CACNB2: variants seen among roughly 807,000 people sequenced by gnomAD.
The protein encoded by CACNB2 is calcium voltage-gated channel auxiliary subunit beta 2.
In CACNB2, 42 loss-of-function variants were observed where a neutral mutation model predicts 73.3. The ratio of observed to expected loss-of-function variants is 0.57; its 90% CI spans 0.45 to 0.74. CACNB2 has a LOEUF of 0.74. Ranked by LOEUF, CACNB2 falls within the 30% of genes least tolerant of loss-of-function variation. CACNB2 has a pLI of 0.00. For synonymous variants in CACNB2, 348 were observed against 310.3 expected, an observed-to-expected ratio of 1.12 and a Z score of -1.28; for missense variants, 940 against 853.0, an observed-to-expected ratio of 1.10 and a Z score of -1.27.
chr10:18,417,027 G>T (rs143621839), intron 3 of CACNB2, among the ~76,000 whole-genome samples: 2 of 147,746 alleles, frequency 1.4e-5, no homozygotes, highest in East Asian at 3.9e-4. Flanking sequence ...AAAGCAGAAA[G>T]TGCATTAAAA....
intron 2 of CACNB2, among the ~76,000 whole-genome samples, chr10:18,298,035 A>C (rs2039350234): frequency 6.6e-6 from 1 of 152,204 alleles, no homozygotes; most frequent in South Asian, 2.1e-4. Flanking sequence ...GAAGGTAAAA[A>C]GAGATAACTC....
intron 6 of CACNB2, chr10:18,513,732 T>C (rs77208783): frequency 5.0e-6 from 1 of 201,898 alleles, no homozygotes; most frequent in African/African-American, 2.4e-5. Context: ...CGCATTAAAA[T>C]GATATATAAC....
At chr10:18,357,362 A>AC (rs554041543) in intron 2 of CACNB2, among the ~76,000 whole-genome samples, 67 of 152,300 alleles carry the variant, frequency 4.4e-4, no homozygotes, top group African/African-American at 1.4e-3. Context: ...CAAAATACTG[A>AC]CCCAATGAAT....
intron 2 of CACNB2, among the ~76,000 whole-genome samples, chr10:18,336,558 G>A (rs911237393): frequency 6.6e-6 from 1 of 152,062 alleles, no homozygotes; most frequent in Non-Finnish European, 1.5e-5. Context: ...GGCGGAGGCT[G>A]CAATGAGCCA....
intron 2 of CACNB2, among the ~76,000 whole-genome samples, chr10:18,176,867 C>T (rs1460873792): frequency 2.0e-5 from 3 of 151,550 alleles, no homozygotes; most frequent in Non-Finnish European, 4.4e-5. Context: ...TTTCAGGGGA[C>T]ATTGAGAAGG....
At chr10:18,452,762 G>A (rs1314587705) in intron 3 of CACNB2, among the ~76,000 whole-genome samples, 1 of 152,090 alleles carries the variant, frequency 6.6e-6, no homozygotes, top group Admixed American at 6.5e-5. Flanking sequence ...CTATATTTTT[G>A]TTCACCAAAA....
At chr10:18,410,450 A>T (rs2044554385) in intron 3 of CACNB2, among the ~76,000 whole-genome samples, 1 of 152,202 alleles carries the variant, frequency 6.6e-6, no homozygotes, top group African/African-American at 2.4e-5. Flanking sequence ...CTAGCCTTTG[A>T]AGAAGAAAGA....
intron 2 of CACNB2, among the ~76,000 whole-genome samples, chr10:18,361,204 C>A (rs2042123183): frequency 6.6e-6 from 1 of 151,858 alleles, no homozygotes; most frequent in African/African-American, 2.4e-5. Flanking sequence ...ATGTAGCCAT[C>A]CTAAAGTAGA....
intron 3 of CACNB2, among the ~76,000 whole-genome samples, chr10:18,495,173 T>C (rs1324288552): frequency 6.6e-6 from 1 of 151,938 alleles, no homozygotes; most frequent in Admixed American, 6.6e-5. Flanking sequence ...AATAATGTTG[T>C]GAACCTAAGT....
At chr10:18,516,948 A>T (rs989085000) in intron 7 of CACNB2, among the ~76,000 whole-genome samples, 1 of 152,074 alleles carries the variant, frequency 6.6e-6, no homozygotes, top group South Asian at 2.1e-4. Flanking sequence ...CCCTCTGATT[A>T]TATCGTCTGT....
chr10:18,371,397 C>G (rs1260504970), intron 2 of CACNB2, among the ~76,000 whole-genome samples: 1 of 152,076 alleles, frequency 6.6e-6, no homozygotes, highest in African/African-American at 2.4e-5. Flanking sequence ...GTGATGTTCC[C>G]CTTCCTGTGT....
intron 7 of CACNB2, among the ~76,000 whole-genome samples, chr10:18,516,319 T>C (rs763183992): frequency 1.3e-5 from 2 of 152,142 alleles, no homozygotes; most frequent in African/African-American, 2.4e-5. Flanking sequence ...CAATATTCCA[T>C]CAAATAAGGT....
intron 2 of CACNB2, among the ~76,000 whole-genome samples, chr10:18,369,416 C>A (rs2042485494): frequency 6.6e-6 from 1 of 152,058 alleles, no homozygotes; most frequent in African/African-American, 2.4e-5. Context: ...GCATTCACAT[C>A]AGGATTTTTA....
At chr10:18,148,584 G>A (rs916472869) in intron 1 of CACNB2, among the ~76,000 whole-genome samples, 1 of 152,136 alleles carries the variant, frequency 6.6e-6, no homozygotes, top group Non-Finnish European at 1.5e-5. Flanking sequence ...ACAATTGTAA[G>A]CAACCACAAA....
chr10:18,340,711 C>A, intron 2 of CACNB2: 5 of 1,441,582 alleles, frequency 3.5e-6, no homozygotes, highest in Non-Finnish European at 4.5e-6. Context: ...TCTGCTCTGC[C>A]TAAGTGGTTC....
chr10:18,382,257 C>T lies in CACNB2; in HGVS notation c.214-19667C>T, dbSNP rs113545986. Among the ~76,000 whole-genome samples, 917 of 152,088 alleles carry T rather than the reference C, an allele frequency of 6.0e-3. 25 individuals carry two copies. Among genetic ancestry groups the T allele is most frequent in the African/African-American group, 0.021 (853 of 41,400 alleles). The stretch of plus-strand genomic sequence containing the variant: ...TCCAGATTTTTCAGGAGGGCTGTCT[C>T]GTCTCATAACTCTGTGAATGTATAT... On this transcript the variant is annotated intron_variant, in intron 2 of 13. Transcript: ENST00000324631.
At chr10:18,192,604 C>T (rs2034452135) in intron 2 of CACNB2, among the ~76,000 whole-genome samples, 2 of 152,140 alleles carry the variant, frequency 1.3e-5, no homozygotes, top group African/African-American at 4.8e-5. Context: ...TCCGCCACAC[C>T]TAAGTAAAAT....
chr10:18,500,848 AAAG>A lies in CACNB2; in HGVS notation c.497_499del (p.Glu166del). 1 of 1,614,048 alleles carries A rather than the reference AAAG, an allele frequency of 6.2e-7. No individual in the cohort carries two copies. The highest frequency in any genetic ancestry group is 8.5e-7 in the Non-Finnish European group (1 of 1,179,926). ...TGACTGGTGGATAGGGCGATTGGTA[AAAG>A]AAGGCTGTGAAATCGGATTCATTCC... is the stretch of plus-strand genomic sequence containing the variant. On this transcript the variant is annotated inframe_deletion, in exon 5 of 14. Transcript: ENST00000324631.
intron 2 of CACNB2, among the ~76,000 whole-genome samples, chr10:18,179,820 T>G (rs2033785299): frequency 6.6e-6 from 1 of 152,190 alleles, no homozygotes; most frequent in African/African-American, 2.4e-5. Context: ...TCAAACTAAA[T>G]TTCCTCTCCA....
Sources: gnomAD v4.1 joint callset for allele counts (sites outside exome capture counted in the v4.1 genomes callset) on GRCh38, gnomAD v4.1.1 for gene constraint, MANE v1.5 for transcripts, NCBI Gene and HGNC (gene_info 2026-07-23, HGNC 2026-07-21) for gene names.